RNF150: variants seen among roughly 807,000 people sequenced by gnomAD.
RNF150 encodes the protein ring finger protein 150.
Under a neutral mutation model 39.3 loss-of-function variants are expected in RNF150, and 24 were observed. The ratio of observed to expected loss-of-function variants is 0.61; its 90% confidence interval spans 0.44 to 0.86. The LOEUF is 0.86. RNF150 is among the 40% of genes least tolerant of loss of function. The pLI is 0.00. For synonymous variants in RNF150, 255 were observed against 227.3 expected (o/e 1.12, Z -1.10); for missense variants, 502 against 587.8 (o/e 0.85, Z 1.51).
chr4:141,026,884 T>C (rs1275540195), intron 1 of RNF150, among the ~76,000 whole-genome samples: 3 of 152,156 alleles, frequency 2.0e-5, no homozygotes, highest in South Asian at 2.1e-4. Context: ...GATCTTTCAA[T>C]AGTAAGCAAC....
At chr4:141,105,854 A>G (rs2111047553) in intron 1 of RNF150, among the ~76,000 whole-genome samples, 1 of 152,310 alleles carries the variant, frequency 6.6e-6, no homozygotes, top group African/African-American at 2.4e-5. Flanking sequence ...TTTCCTATAC[A>G]CACTCTTCAG....
chr4:141,096,218 A>G (rs1413682005), intron 1 of RNF150, among the ~76,000 whole-genome samples: 1 of 78,466 alleles, frequency 1.3e-5, no homozygotes, highest in Non-Finnish European at 2.1e-5. Flanking sequence ...TTTTTTTTAG[A>G]TGGAGTCTCA....
chr4:140,873,462 A>G (rs1049344125), intron 6 of RNF150, among the ~76,000 whole-genome samples: 16 of 152,172 alleles, frequency 1.1e-4, no homozygotes, highest in African/African-American at 3.9e-4. Flanking sequence ...AACTGGAAGA[A>G]TATAGTGTCA....
upstream of RNF150, among the ~76,000 whole-genome samples, chr4:141,134,522 G>C (rs759152331): frequency 6.6e-6 from 1 of 152,110 alleles, no homozygotes; most frequent in Non-Finnish European, 1.5e-5. Context: ...ACAGCTCTTC[G>C]TTAATGAACG....
intron 1 of RNF150, among the ~76,000 whole-genome samples, chr4:141,160,633 C>T (rs1315154897): frequency 3.3e-5 from 5 of 152,092 alleles, no homozygotes; most frequent in African/African-American, 7.2e-5. Flanking sequence ...GGATCATGGG[C>T]GTGACTTCTA....
At chr4:141,184,864 T>C (rs982156164) in intron 1 of RNF150, among the ~76,000 whole-genome samples, 5 of 142,654 alleles carry the variant, frequency 3.5e-5, no homozygotes, top group Admixed American at 7.4e-5. Flanking sequence ...TTGGTCTATA[T>C]ATCTGTGTGT....
chr4:141,059,240 T>G (rs942137017), intron 1 of RNF150, among the ~76,000 whole-genome samples: 1 of 152,162 alleles, frequency 6.6e-6, no homozygotes. Flanking sequence ...ACACAGCCAA[T>G]GGGCTGTATG....
intron 1 of RNF150, among the ~76,000 whole-genome samples, chr4:141,126,552 T>C (rs1726760755): frequency 6.6e-6 from 1 of 152,010 alleles, no homozygotes; most frequent in South Asian, 2.1e-4. Flanking sequence ...GGGGTTGAGG[T>C]AGGAATTATA....
At chr4:141,162,307 G>A (rs1386815004) in intron 1 of RNF150, among the ~76,000 whole-genome samples, 1 of 152,128 alleles carries the variant, frequency 6.6e-6, no homozygotes, top group African/African-American at 2.4e-5. Flanking sequence ...CTTGCATGAG[G>A]CCTGTAACCA....
At position 141,044,709 on chromosome 4, in the gene RNF150, C is replaced by G. The variant is rs533266068; in HGVS notation, c.485-76836G>C. 2.0e-5 allele frequency among the ~76,000 whole-genome samples: 3 copies of G among 152,160 alleles called. No homozygotes were observed. In the East Asian group the frequency reaches 5.8e-4, roughly 29 times the overall value. ...CCTCAACTAGTTCACATCTAAAAAT[C>G]AGGACTAATGCCAATCCCTACACAT... On this transcript the variant is annotated intron_variant, in intron 1 of 6. Coordinates refer to ENST00000515673, the MANE Select transcript of RNF150 (RefSeq NM_020724.2).
intron 1 of RNF150, among the ~76,000 whole-genome samples, chr4:141,152,642 C>T (rs2111143453): frequency 6.6e-6 from 1 of 152,196 alleles, no homozygotes; most frequent in East Asian, 1.9e-4. Flanking sequence ...TTTACTTTAT[C>T]ACCATTATAA....
At chr4:140,895,141 C>T (rs961130927) in intron 6 of RNF150, among the ~76,000 whole-genome samples, 1 of 152,120 alleles carries the variant, frequency 6.6e-6, no homozygotes, top group African/African-American at 2.4e-5. Context: ...AGAAAATCTC[C>T]TGGAGAGGGT....
chr4:140,947,868 A>G (rs1732384602), intron 3 of RNF150, 132 bp from the exon 4 acceptor site: 2 of 567,802 alleles, frequency 3.5e-6, no homozygotes, highest in Non-Finnish European at 6.2e-6. Flanking sequence ...TTTAAATCAA[A>G]TGTACCATCA....
chr4:141,005,071 G>A (rs1734812929), intron 1 of RNF150, among the ~76,000 whole-genome samples: 2 of 152,168 alleles, frequency 1.3e-5, no homozygotes, highest in African/African-American at 4.8e-5. Flanking sequence ...CAGGATATGA[G>A]GGAGGAAGAA....
chr4:141,166,159 A>G (rs1471968325), intron 1 of RNF150, among the ~76,000 whole-genome samples: 2 of 152,206 alleles, frequency 1.3e-5, no homozygotes, highest in African/African-American at 4.8e-5. Context: ...CCATCAGAGA[A>G]TACTATAAAC....
At chr4:141,163,129 AC>A (rs2111160987) in intron 1 of RNF150, among the ~76,000 whole-genome samples, 1 of 152,262 alleles carries the variant, frequency 6.6e-6, no homozygotes, top group South Asian at 2.1e-4. Context: ...AGAGGTACCC[AC>A]CATTACTAAG....
chr4:140,958,495 C>A (rs1047150477), intron 2 of RNF150, among the ~76,000 whole-genome samples: 3 of 152,156 alleles, frequency 2.0e-5, no homozygotes, highest in Non-Finnish European at 1.5e-5. Context: ...ATCAATCTGG[C>A]TGCATGCCCT....
chr4:141,084,701 G>A (rs1738289317), intron 1 of RNF150, among the ~76,000 whole-genome samples: 1 of 152,202 alleles, frequency 6.6e-6, no homozygotes, highest in African/African-American at 2.4e-5. Flanking sequence ...GAACAAAGAG[G>A]TGAAATGATG....
At chr4:141,171,045 G>C (rs901488060) in intron 1 of RNF150, among the ~76,000 whole-genome samples, 3 of 152,188 alleles carry the variant, frequency 2.0e-5, no homozygotes, top group Non-Finnish European at 2.9e-5. Flanking sequence ...TTCTGGACTA[G>C]AGAAGAATGC....
Sources: gnomAD v4.1 joint callset for allele counts (sites outside exome capture counted in the v4.1 genomes callset) on GRCh38, gnomAD v4.1.1 for gene constraint, MANE v1.5 for transcripts, NCBI Gene and HGNC (gene_info 2026-07-23, HGNC 2026-07-21) for gene names.